Variants in AGR2 observed in about 807,000 individuals in gnomAD.
AGR2 encodes anterior gradient protein 2 homolog.
In AGR2, 27 loss-of-function variants were observed where a neutral mutation model predicts 25.9. That is an observed-to-expected ratio of 1.04 (90% CI 0.77 to 1.44). AGR2 has a LOEUF of 1.44. AGR2 is among the 40% of genes most tolerant of loss of function. The pLI is 0.00. For missense variants in AGR2, 182 were observed against 200.9 expected (o/e 0.91, Z 0.57); for synonymous variants, 78 against 72.0 (o/e 1.08, Z -0.42).
Position 16,797,538 on chromosome 7 carries a change from A to G in AGR2, c.394+93T>C, listed in dbSNP as rs967453243. 15 of 1,063,810 alleles carry G rather than the reference A, an allele frequency of 1.4e-5. 1 individual carries two copies. The highest frequency in any genetic ancestry group is 4.8e-5 in the East Asian group (2 of 41,700). 65.9% of individuals were successfully genotyped at this position (1,063,810 alleles called of 1,614,324 possible). A position where few individuals can be genotyped will look rare whatever the true frequency, so the allele number is the denominator to read the frequency against. ...CTAGAGCTTAGTGATGACATTGGCCATGGCAACGTGGCAAGGGACAGTGGG... is the reference window on the plus strand; with the variant it reads ...CTAGAGCTTAGTGATGACATTGGCCGTGGCAACGTGGCAAGGGACAGTGGG... On this transcript the variant is annotated intron_variant, in intron 6 of 7. Coordinates refer to ENST00000419304, the MANE Select transcript of AGR2 (RefSeq NM_006408.4).
chr7:16,801,352 T>A lies in AGR2; in HGVS notation c.171A>T (p.Thr57=), dbSNP rs755644685. 2 of 1,613,738 alleles carry A rather than the reference T, an allele frequency of 1.2e-6. No homozygotes were observed. Among genetic ancestry groups the A allele is most frequent in the Non-Finnish European group, 1.7e-6 (2 of 1,179,898 alleles). The change falls in exon 3 of 8, where the codon ACA becomes ACT. Residue 57 remains threonine (T), a synonymous_variant. Coordinates refer to ENST00000419304, the MANE Select transcript of AGR2 (RefSeq NM_006408.4). The part of the protein sequence containing the change: ...GWGDQLIWTQ[T]YEEALYKSKT... ...TGGATTTATATAGAGCTTCTTCATA[T>A]GTCTGAGTCCAGATGAGTTGGTCAC...
At chr7:16,801,238 G>T in intron 3 of AGR2, 35 bp from the exon 4 acceptor site, 1 of 1,610,140 alleles carries the variant, frequency 6.2e-7, no homozygotes, top group Non-Finnish European at 8.5e-7. Flanking sequence ...ATTTTAATGA[G>T]TAAGATTTCA....
intron 5 of AGR2, among the ~76,000 whole-genome samples, chr7:16,799,093 T>TAGGAAG (rs552770748): frequency 2.0e-5 from 3 of 150,448 alleles, no homozygotes; most frequent in African/African-American, 7.3e-5. Flanking sequence ...CATTAAGGAG[T>TAGGAAG]AGGAAGAGGA....
intron 1 of AGR2, among the ~76,000 whole-genome samples, chr7:16,802,757 T>C (rs13229262): frequency 0.26 from 39,394 of 151,856 alleles, 5,466 homozygotes; most frequent in South Asian, 0.37. Context: ...TATAGATATA[T>C]ATATCTATAT....
intron 6 of AGR2, 39 bp downstream of exon 6, chr7:16,797,592 T>C (rs1381799143): frequency 6.3e-7 from 1 of 1,586,304 alleles, no homozygotes; most frequent in South Asian, 1.1e-5. Context: ...GCAGCACTAG[T>C]ATGTGTTTCC....
At position 16,801,001 on chromosome 7, in the gene AGR2, T is replaced by C. The variant is rs1019454762; in HGVS notation, c.256+150A>G. 7 of 590,302 alleles carry C rather than the reference T, an allele frequency of 1.2e-5. No individual in the cohort carries two copies. The African/African-American group carries it at 1.3e-4, about 11-fold the overall frequency. 36.6% of individuals were successfully genotyped at this position (590,302 alleles called of 1,614,324 possible). ...ATGGTTATCACAAAATGTGGAGATA[T>C]TTGAAGTCACTTTTAAATATGTTTT... On this transcript the variant is annotated intron_variant, in intron 4 of 7. Coordinates refer to ENST00000419304, the MANE Select transcript of AGR2 (RefSeq NM_006408.4).
chr7:16,801,234 A>G (rs1352946634), intron 3 of AGR2, 31 bp from the exon 4 acceptor site: 4 of 1,611,628 alleles, frequency 2.5e-6, no homozygotes, highest in Non-Finnish European at 3.4e-6. Flanking sequence ...ACAAATTTTA[A>G]TGAGTAAGAT....
At chr7:16,803,243 A>AGGAG (rs1014582131) in intron 1 of AGR2, 1 of 152,150 alleles carries the variant, frequency 6.6e-6, no homozygotes, top group East Asian at 1.9e-4. Context: ...TTTGTGAGTG[A>AGGAG]GGAGGGAGGG....
intron 4 of AGR2, 52 bp downstream of exon 4, chr7:16,801,099 G>T: frequency 6.9e-7 from 1 of 1,453,242 alleles, no homozygotes; most frequent in Non-Finnish European, 9.6e-7. Flanking sequence ...CTGAACCCTG[G>T]CCCTAAGGCT....
chr7:16,799,040 T>C (rs963608286), intron 5 of AGR2, among the ~76,000 whole-genome samples: 5 of 152,040 alleles, frequency 3.3e-5, no homozygotes, highest in African/African-American at 9.7e-5. Context: ...ATACAAAATA[T>C]GGAAAGAGAA....
At position 16,794,935 on chromosome 7, in the gene AGR2, C is replaced by G. The variant is rs1206988863; in HGVS notation, c.478+1G>C. 6.2e-7 allele frequency: 1 copy of G among 1,614,158 alleles called. No individual in the cohort carries two copies. The highest frequency in any genetic ancestry group is 1.7e-5 in the Admixed American group (1 of 60,018). ...ACATCCGAATTGAAGGTCACACTTA[C>G]ACAGAGCTGTATCTGCAGGTTCGTA... On this transcript the variant is annotated splice_donor_variant, in intron 7 of 7. Transcript: ENST00000419304. LOFTEE classifies it high-confidence loss of function.
intron 5 of AGR2, among the ~76,000 whole-genome samples, chr7:16,798,385 C>T (rs971017068): frequency 6.6e-6 from 1 of 152,142 alleles, no homozygotes; most frequent in Non-Finnish European, 1.5e-5. Context: ...GCATTTTCTC[C>T]TATGGCCAAG....
At chr7:16,802,305 T>C (rs1316217071) in intron 1 of AGR2, among the ~76,000 whole-genome samples, 1 of 152,208 alleles carries the variant, frequency 6.6e-6, no homozygotes, top group Admixed American at 6.5e-5. Flanking sequence ...ATAGCATATG[T>C]AGTGTTTGGT....
Position 16,801,336 on chromosome 7 carries a change from A to G in AGR2, c.187T>C (p.Tyr63His), listed in dbSNP as rs1785138785. 1.2e-6 allele frequency: 2 copies of G among 1,613,782 alleles called. No homozygotes were observed. The highest frequency in any genetic ancestry group is 1.1e-5 in the South Asian group (1 of 90,998). Residue 63 changes from tyrosine (Y) to histidine (H), a missense_variant, in exon 3 of 8, where the codon TAT becomes CAT. By Grantham distance (83) the Tyr-to-His change is moderately conservative. Transcript: ENST00000419304. ...GATCTTTACCTTGTCTTGGATTTAT[A>G]TAGAGCTTCTTCATATGTCTGAGTC... ...IWTQTYEEAL[Y>H]KSKTSNKPLM...
Position 16,792,778 on chromosome 7 carries a change from T to A in AGR2, c.*130A>T. 1.2e-6 allele frequency: 1 copy of A among 855,022 alleles called. No individual in the cohort carries two copies. Among genetic ancestry groups the A allele is most frequent in the Admixed American group, 2.4e-5 (1 of 41,810 alleles). 53.0% of individuals were successfully genotyped at this position (855,022 alleles called of 1,614,324 possible). ...AAAACTTGTTTTTCTTAAAAAATAG[T>A]TGTTGTAACATTAAACCATAACCTA... On this transcript the variant is annotated 3_prime_UTR_variant, in exon 8 of 8. Transcript: ENST00000419304.
intron 6 of AGR2, 108 bp from the exon 7 acceptor site, chr7:16,795,127 T>C: frequency 8.2e-7 from 1 of 1,217,732 alleles, no homozygotes; most frequent in East Asian, 2.5e-5. Flanking sequence ...TGTGAGGGAA[T>C]GGAGTGTGTC....
chr7:16,795,758 A>T (rs1785034580), intron 6 of AGR2, among the ~76,000 whole-genome samples: 2 of 152,200 alleles, frequency 1.3e-5, no homozygotes, highest in African/African-American at 2.4e-5. Flanking sequence ...ACGTAATCGA[A>T]AGAACCTAGG....
Position 16,792,553 on chromosome 7 carries a change from C to T in AGR2, c.*355G>A. On this transcript the variant is annotated 3_prime_UTR_variant, in exon 8 of 8. Coordinates refer to ENST00000419304, the MANE Select transcript of AGR2 (RefSeq NM_006408.4). The stretch of plus-strand genomic sequence containing the variant: ...TGGTCTTTGGTCTTCATCATTTGAA[C>T]TAGTTTTGGTTTTGTCTTGTCCCTT... 1 of 218,282 alleles carries T rather than the reference C, an allele frequency of 4.6e-6. No individual in the cohort carries two copies. The highest frequency in any genetic ancestry group is 9.3e-5 in the South Asian group (1 of 10,768). The allele number at this position is 218,282 out of a possible 1,614,324, so 13.5% of individuals were successfully genotyped here.
At chr7:16,794,839 GCTCT>G (rs1397025604) in intron 7 of AGR2, 93 bp downstream of exon 7, 1 of 1,587,156 alleles carries the variant, frequency 6.3e-7, no homozygotes, top group East Asian at 2.3e-5. Context: ...CCTAAGCCTA[GCTCT>G]CTCTCACCTC....
Sources: gnomAD v4.1 joint callset for allele counts (sites outside exome capture counted in the v4.1 genomes callset) on GRCh38, gnomAD v4.1.1 for gene constraint, MANE v1.5 for transcripts, NCBI Gene and HGNC (gene_info 2026-07-23, HGNC 2026-07-21) for gene names.